Variants in KAZN observed in about 807,000 individuals in gnomAD.
KAZN encodes kazrin, periplakin interacting protein, also known as kazrin.
KAZN carries 40 observed loss-of-function variants against 87.4 expected under a neutral mutation model. The observed-to-expected ratio is 0.46, with a 90% confidence interval of 0.36 to 0.60. KAZN has a LOEUF of 0.60. Among genes scored for constraint, KAZN ranks in the 20% least tolerant of loss-of-function variants. The pLI is 0.00. For missense variants in KAZN, 898 were observed against 1,073.9 expected, an observed-to-expected ratio of 0.84 and a Z score of 2.29; for synonymous variants, 466 against 458.3, an observed-to-expected ratio of 1.02 and a Z score of -0.22.
intron 1 of KAZN, among the ~76,000 whole-genome samples, chr1:14,042,102 C>T (rs1331088437): frequency 1.3e-5 from 2 of 152,040 alleles, no homozygotes; most frequent in South Asian, 2.1e-4. Flanking sequence ...TTATTGTTTT[C>T]TCTGTTCTCT....
At chr1:14,384,228 G>A (rs1409371917) in intron 2 of KAZN, among the ~76,000 whole-genome samples, 1 of 151,460 alleles carries the variant, frequency 6.6e-6, no homozygotes, top group East Asian at 1.9e-4. Flanking sequence ...GAGACAATGG[G>A]GTTTTCTAGA....
chr1:14,807,789 T>C (rs187608466), intron 1 of KAZN, among the ~76,000 whole-genome samples: 4 of 151,746 alleles, frequency 2.6e-5, no homozygotes, highest in African/African-American at 9.7e-5. Flanking sequence ...AAAATCCTAA[T>C]ATTGGGGAAG....
rs1244519291 is a variant in KAZN at position 15,081,129 on chromosome 1, GCTCC to G, written c.1223-13038_1223-13035del. 8.5e-5 allele frequency among the ~76,000 whole-genome samples: 13 copies of G among 152,288 alleles called. No homozygotes were observed. The East Asian group carries it at 2.1e-3, about 25-fold the overall frequency. Reference sequence around the variant, plus strand: ...AAGATGAGACCACAGAGGAAGGCCTGCTCCCTCCCTCCCTCCGTTCCTCCCTTCC... The same window carrying G: ...AAGATGAGACCACAGAGGAAGGCCTGCTCCCTCCCTCCGTTCCTCCCTTCC... On this transcript the variant is annotated intron_variant, in intron 8 of 14. Coordinates refer to ENST00000376030, the MANE Select transcript of KAZN (RefSeq NM_201628.3). This position sits in a 1 kb window ranked among gnomAD's most constrained non-coding sequence, Gnocchi z 4.1.
intron 8 of KAZN, among the ~76,000 whole-genome samples, chr1:15,088,346 T>C (rs1457185350): frequency 1.3e-5 from 2 of 152,198 alleles, no homozygotes; most frequent in South Asian, 2.1e-4. Context: ...ACGTCAATGG[T>C]CACACTCAGT....
chr1:14,464,563 G>A (rs1668017473), intron 2 of KAZN, among the ~76,000 whole-genome samples: 1 of 150,906 alleles, frequency 6.6e-6, no homozygotes, highest in Non-Finnish European at 1.5e-5. Context: ...TTTTGAGATG[G>A]CGTCTCACTC....
chr1:15,072,777 A>C (rs2100597481), intron 8 of KAZN, among the ~76,000 whole-genome samples: 1 of 152,278 alleles, frequency 6.6e-6, no homozygotes, highest in South Asian at 2.1e-4. Flanking sequence ...CTGGCTCCAG[A>C]GTCCATGTTC....
At chr1:14,953,532 A>T (rs1012234192) in intron 1 of KAZN, among the ~76,000 whole-genome samples, 7 of 152,242 alleles carry the variant, frequency 4.6e-5, no homozygotes, top group African/African-American at 1.4e-4. Context: ...ATAAAATAGG[A>T]TCTGCTTCAT....
intron 2 of KAZN, among the ~76,000 whole-genome samples, chr1:14,183,118 C>T (rs528150497): frequency 2.0e-4 from 30 of 152,224 alleles, no homozygotes; most frequent in African/African-American, 7.2e-4. Flanking sequence ...AGAGTGACTG[C>T]TTAAAATGCA....
At chr1:13,898,364 A>C (rs72871366) in intron 1 of KAZN, among the ~76,000 whole-genome samples, 1 of 152,190 alleles carries the variant, frequency 6.6e-6, no homozygotes, top group Admixed American at 6.5e-5. Context: ...GGTGACCCCC[A>C]GCTTGCAGAC....
intron 1 of KAZN, among the ~76,000 whole-genome samples, chr1:14,099,255 G>T (rs990000405): frequency 6.6e-6 from 1 of 152,028 alleles, no homozygotes; most frequent in African/African-American, 2.4e-5. Context: ...GGACAGGGTG[G>T]GGGAAGAATC....
intron 2 of KAZN, among the ~76,000 whole-genome samples, chr1:14,464,940 A>C (rs60704551): frequency 0.071 from 10,781 of 152,140 alleles, 894 homozygotes; most frequent in African/African-American, 0.2. Context: ...TACCCAATAC[A>C]CAGTGACTTC....
At chr1:14,713,324 A>C (rs1378588579) in intron 1 of KAZN, among the ~76,000 whole-genome samples, 6 of 152,200 alleles carry the variant, frequency 3.9e-5, no homozygotes, top group African/African-American at 1.4e-4. Flanking sequence ...CCAGGTGTGA[A>C]GAACTGGGGG....
At chr1:14,911,784 TAGG>T (rs1657275531) in intron 1 of KAZN, among the ~76,000 whole-genome samples, 2 of 152,190 alleles carry the variant, frequency 1.3e-5, no homozygotes, top group South Asian at 2.1e-4. Flanking sequence ...CTGGAGATGA[TAGG>T]AGTAGATGGG....
intron 1 of KAZN, among the ~76,000 whole-genome samples, chr1:14,893,904 C>T (rs111322979): frequency 9.2e-5 from 14 of 152,074 alleles, no homozygotes; most frequent in Admixed American, 7.9e-4. Context: ...CATTTTTAGC[C>T]GAAAAGAAGA....
intron 2 of KAZN, among the ~76,000 whole-genome samples, chr1:14,339,851 CT>C (rs1657557859): frequency 6.6e-6 from 1 of 152,194 alleles, no homozygotes; most frequent in Non-Finnish European, 1.5e-5. Flanking sequence ...GTAGCAACAG[CT>C]TTTCCCTGAA....
rs200958135 is a variant in KAZN at position 14,144,917 on chromosome 1, A to G, written c.92-35518A>G. Among the ~76,000 whole-genome samples, 11 of 152,330 alleles carry G rather than the reference A, an allele frequency of 7.2e-5. No individual in the cohort carries two copies. The East Asian group carries it at 1.3e-3, about 19-fold the overall frequency. On this transcript the variant is annotated intron_variant, in intron 1 of 16. Transcript: ENST00000636203. ...ATGAAGGATCCACTGGCATGACCCA[A>G]TAGCCTTCCATCAGGCCCCACCTCC...
chr1:14,796,822 G>A (rs927720639), intron 1 of KAZN, among the ~76,000 whole-genome samples: 6 of 152,216 alleles, frequency 3.9e-5, no homozygotes, highest in African/African-American at 1.2e-4. Context: ...AAAGAGTCTC[G>A]AACAGATGGC....
At chr1:14,905,646 C>G (rs976693249) in intron 1 of KAZN, among the ~76,000 whole-genome samples, 1 of 151,854 alleles carries the variant, frequency 6.6e-6, no homozygotes, top group Admixed American at 6.6e-5. Context: ...GAGATCGAGA[C>G]CATCCTGGCC....
intron 2 of KAZN, among the ~76,000 whole-genome samples, chr1:14,497,325 A>G: frequency 9.3e-6 from 1 of 107,964 alleles, no homozygotes; most frequent in African/African-American, 3.9e-5. Flanking sequence ...GCTTTACTTA[A>G]TTCTGTTACT....
Sources: gnomAD v4.1 joint callset for allele counts (sites outside exome capture counted in the v4.1 genomes callset) on GRCh38, gnomAD v4.1.1 for gene constraint, Gnocchi (gnomAD v3.1) non-coding constraint, MANE v1.5 for transcripts, NCBI Gene and HGNC (gene_info 2026-07-23, HGNC 2026-07-21) for gene names.